The following AGBL2 variants were observed in gnomAD, a reference collection of about 807,000 sequenced individuals.
AGBL2 encodes cytosolic carboxypeptidase 2.
AGBL2 carries 87 observed loss-of-function variants against 103.0 expected under a neutral mutation model. That is an observed-to-expected ratio of 0.84 (90% CI 0.71 to 1.01). The LOEUF (loss-of-function observed/expected upper bound fraction) is 1.01, where lower values mean the gene tolerates loss of function less well. Ranked by LOEUF, AGBL2 falls within the 50% of genes least tolerant of loss-of-function variation. AGBL2 has a pLI of 0.00. For synonymous variants in AGBL2, 335 were observed against 356.7 expected, an observed-to-expected ratio of 0.94 and a Z score of 0.69; for missense variants, 904 against 1,023.5, an observed-to-expected ratio of 0.88 and a Z score of 1.59.
At chr11:47,678,738 C>T (rs1220325230) in intron 13 of AGBL2, among the ~76,000 whole-genome samples, 1 of 151,758 alleles carries the variant, frequency 6.6e-6, no homozygotes, top group Non-Finnish European at 1.5e-5. Context: ...CAAGTGTACA[C>T]AGAGCAGGGC....
intron 18 of AGBL2, among the ~76,000 whole-genome samples, chr11:47,660,579 A>G: frequency 7.0e-6 from 1 of 143,554 alleles, no homozygotes; most frequent in South Asian, 2.2e-4. Context: ...TTTGAGATGG[A>G]GTCTTGCTCT....
intron 13 of AGBL2, among the ~76,000 whole-genome samples, chr11:47,678,338 A>ATTATTTTT (rs1565026654): frequency 5.9e-4 from 56 of 95,150 alleles, no homozygotes; most frequent in South Asian, 1.1e-3. Flanking sequence ...TTATTTTATT[A>ATTATTTTT]TTTTATTTTT....
intron 17 of AGBL2, 33 bp downstream of exon 17, chr11:47,666,923 T>C: frequency 7.5e-7 from 1 of 1,333,154 alleles, no homozygotes. Flanking sequence ...TTAGAGAATC[T>C]GTGTGACAAA....
intron 10 of AGBL2, among the ~76,000 whole-genome samples, chr11:47,689,301 A>AT (rs2097435732): frequency 2.3e-5 from 3 of 128,534 alleles, no homozygotes; most frequent in Admixed American, 9.1e-5. Flanking sequence ...CCCACTTCTC[A>AT]ATTTTTTTTT....
chr11:47,686,952 T>G (rs910262160), intron 10 of AGBL2, among the ~76,000 whole-genome samples: 1 of 92,176 alleles, frequency 1.1e-5, no homozygotes, highest in Non-Finnish European at 2.0e-5. Context: ...AGAGTGAAAC[T>G]CTATCTCAAA....
intron 14 of AGBL2, among the ~76,000 whole-genome samples, chr11:47,676,680 G>T (rs2097375709): frequency 6.6e-6 from 1 of 151,942 alleles, no homozygotes; most frequent in Non-Finnish European, 1.5e-5. Context: ...TTAGCCGGGC[G>T]TTGTTGCAGG....
At chr11:47,676,742 C>G (rs941861949) in intron 14 of AGBL2, among the ~76,000 whole-genome samples, 1 of 151,538 alleles carries the variant, frequency 6.6e-6, no homozygotes, top group East Asian at 1.9e-4. Flanking sequence ...TGGCCTGAAC[C>G]CGGAAGGCGG....
At chr11:47,700,119 G>A (rs1252583904) in intron 7 of AGBL2, among the ~76,000 whole-genome samples, 4 of 151,834 alleles carry the variant, frequency 2.6e-5, no homozygotes, top group Non-Finnish European at 4.4e-5. Flanking sequence ...CACCACTCCC[G>A]GCTAATTTTG....
At position 47,710,428 on chromosome 11, in the gene AGBL2, CAAG is replaced by C; in HGVS notation, c.178_180del (p.Leu60del). The C allele has an allele frequency of 1.2e-6, 2 of 1,614,102 alleles. No homozygotes were observed. Among genetic ancestry groups the C allele is most frequent in the Non-Finnish European group, 1.7e-6 (2 of 1,180,034 alleles). Reference sequence around the variant, plus strand: ...TCTGGTATCAAATCATCTTTTTCCCCAAGAGAGCCATTCAACAGGCATTGAGGG... The same window carrying C: ...TCTGGTATCAAATCATCTTTTTCCCCAGAGCCATTCAACAGGCATTGAGGG... On this transcript the variant is annotated inframe_deletion, in exon 4 of 19. Coordinates refer to ENST00000525123, the MANE Select transcript of AGBL2 (RefSeq NM_024783.4).
Position 47,672,614 on chromosome 11 carries a change from C to T in AGBL2, c.2148-3707G>A, listed in dbSNP as rs75103248. ...ACAGGCGTGAGCCACTGCATCCAGC[C>T]GGCATTTTGTTTTTGAGGGTGTATT... On this transcript the variant is annotated intron_variant, in intron 14 of 18. Transcript: ENST00000525123. Among the ~76,000 whole-genome samples the T allele has an allele frequency of 4.9e-4, 74 of 152,210 alleles. No homozygotes were observed. In the East Asian group the frequency reaches 7.9e-3, roughly 16 times the overall value.
intron 14 of AGBL2, among the ~76,000 whole-genome samples, chr11:47,675,603 G>A (rs1473327113): frequency 6.6e-6 from 1 of 151,874 alleles, no homozygotes; most frequent in Non-Finnish European, 1.5e-5. Context: ...TGGCCAGGCA[G>A]GTCTTGAACT....
chr11:47,692,372 A>G, intron 8 of AGBL2, 116 bp from the exon 9 acceptor site: 1 of 546,890 alleles, frequency 1.8e-6, no homozygotes, highest in Non-Finnish European at 2.9e-6. Context: ...TGAAATTTCT[A>G]ATTTTCAACT....
chr11:47,679,058 C>CAAAAA lies in AGBL2; in HGVS notation c.2016+910_2016+914dup, dbSNP rs56307962. 9.6e-3 allele frequency among the ~76,000 whole-genome samples: 272 copies of CAAAAA among 28,206 alleles called. 38 individuals are homozygous for CAAAAA. The highest frequency in any genetic ancestry group is 0.033 in the African/African-American group (148 of 4,442). 18.5% of individuals were successfully genotyped at this position (28,206 alleles called of 152,430 possible). Reference sequence around the variant, plus strand: ...TGGGCGACAGATGGAGACCCTGTCTCAAAAAAAAAAAAAAAAAAAAAAAAA... The same window carrying CAAAAA: ...TGGGCGACAGATGGAGACCCTGTCTCAAAAAAAAAAAAAAAAAAAAAAAAAAAAAA... On this transcript the variant is annotated intron_variant, in intron 13 of 18. Coordinates refer to ENST00000525123, the MANE Select transcript of AGBL2 (RefSeq NM_024783.4).
chr11:47,680,077 G>T lies in AGBL2; in HGVS notation c.1916-4C>A. 2 of 1,204,692 alleles carry T rather than the reference G, an allele frequency of 1.7e-6. No homozygotes were observed. Among genetic ancestry groups the T allele is most frequent in the Non-Finnish European group, 2.3e-6 (2 of 881,754 alleles). 74.6% of individuals were successfully genotyped at this position (1,204,692 alleles called of 1,614,324 possible). A position where few individuals can be genotyped will look rare whatever the true frequency, so the allele number is the denominator to read the frequency against. ...AAGTGGGTGTCTCTTTTATTACCTG[G>T]AAAAAAAAAAAACCCCGCAAACATT... On this transcript the variant is annotated splice_polypyrimidine_tract_variant and splice_region_variant and intron_variant, in intron 12 of 18. Transcript: ENST00000525123.
intron 7 of AGBL2, among the ~76,000 whole-genome samples, chr11:47,703,617 G>T (rs192359314): frequency 1.3e-4 from 19 of 151,896 alleles, no homozygotes; most frequent in African/African-American, 4.4e-4. Flanking sequence ...ATGGAGGAAC[G>T]CTGACTCTAA....
intron 6 of AGBL2, 78 bp from the exon 7 acceptor site, chr11:47,704,806 A>T: frequency 4.4e-6 from 5 of 1,143,130 alleles, no homozygotes; most frequent in Non-Finnish European, 6.3e-6. Context: ...TAACAATGAA[A>T]CTATTTTAAG....
intron 7 of AGBL2, among the ~76,000 whole-genome samples, chr11:47,703,782 G>A (rs1369970359): frequency 1.3e-5 from 2 of 152,024 alleles, no homozygotes; most frequent in East Asian, 1.9e-4. Flanking sequence ...AAAATTAGCC[G>A]GGTGTGGTGG....
chr11:47,667,732 T>G (rs955360361), intron 15 of AGBL2, 36 bp from the exon 16 acceptor site: 2 of 1,600,606 alleles, frequency 1.2e-6, no homozygotes, highest in African/African-American at 2.7e-5. Flanking sequence ...TCATTGAAGA[T>G]TCCAGAACTA....
chr11:47,677,881 G>T (rs111925938), intron 13 of AGBL2, among the ~76,000 whole-genome samples: 1 of 152,106 alleles, frequency 6.6e-6, no homozygotes, highest in Non-Finnish European at 1.5e-5. Flanking sequence ...TTACATGAGC[G>T]GGAGGAACAA....
Sources: gnomAD v4.1 joint callset for allele counts (sites outside exome capture counted in the v4.1 genomes callset) on GRCh38, gnomAD v4.1.1 for gene constraint, MANE v1.5 for transcripts, NCBI Gene and HGNC (gene_info 2026-07-23, HGNC 2026-07-21) for gene names.